Variants in TRERF1 observed in about 807,000 individuals in gnomAD.
The protein encoded by TRERF1 is transcriptional regulating factor 1.
Under a neutral mutation model 122.9 loss-of-function variants are expected in TRERF1, and 27 were observed. That is an observed-to-expected ratio of 0.22 (90% CI 0.16 to 0.30). TRERF1 has a LOEUF of 0.30. Ranked by LOEUF, TRERF1 falls within the 10% of genes least tolerant of loss-of-function variation. The probability of loss-of-function intolerance (pLI) is 1.00; values close to 1 mark genes in which losing one functional copy is unlikely to be tolerated. For synonymous variants in TRERF1, 636 were observed against 641.7 expected, an observed-to-expected ratio of 0.99 and a Z score of 0.13; for missense variants, 1,248 against 1,560.3, an observed-to-expected ratio of 0.80 and a Z score of 3.37.
chr6:42,411,768 A>G (rs1009878359), intron 2 of TRERF1, among the ~76,000 whole-genome samples: 1 of 152,142 alleles, frequency 6.6e-6, no homozygotes, highest in African/African-American at 2.4e-5. Context: ...ACGTGTAGTG[A>G]CACAGGCTTC....
At chr6:42,450,313 G>C (rs1788237708) in intron 2 of TRERF1, among the ~76,000 whole-genome samples, 1 of 152,194 alleles carries the variant, frequency 6.6e-6, no homozygotes, top group South Asian at 2.1e-4. Context: ...AAGTGCACCT[G>C]GACCGGTTTT....
intron 3 of TRERF1, among the ~76,000 whole-genome samples, chr6:42,321,152 CAA>C (rs34358572): frequency 3.6e-4 from 37 of 103,276 alleles, no homozygotes; most frequent in Admixed American, 6.9e-4. Flanking sequence ...TCTTCCAAGC[CAA>C]AAAAAAAAAA....
intron 2 of TRERF1, among the ~76,000 whole-genome samples, chr6:42,419,240 C>A: frequency 7.0e-6 from 1 of 143,006 alleles, no homozygotes; most frequent in African/African-American, 2.6e-5. Context: ...TTTCTACTTC[C>A]CCCCACCGCC....
intron 2 of TRERF1, among the ~76,000 whole-genome samples, chr6:42,425,284 C>T (rs1749729823): frequency 1.3e-5 from 2 of 152,192 alleles, no homozygotes; most frequent in South Asian, 4.1e-4. Context: ...ACCATTTACA[C>T]AGTGTGCTGT....
At chr6:42,261,891 T>C (rs2149805894) in intron 8 of TRERF1, among the ~76,000 whole-genome samples, 1 of 152,258 alleles carries the variant, frequency 6.6e-6, no homozygotes, top group East Asian at 1.9e-4. Context: ...CAGTCCATAA[T>C]GACTTTGGCT....
chr6:42,272,470 A>G (rs998027223), intron 4 of TRERF1, among the ~76,000 whole-genome samples: 5 of 152,234 alleles, frequency 3.3e-5, no homozygotes, highest in Admixed American at 3.3e-4. Flanking sequence ...AGGGTGGTCC[A>G]GGTCCCCTGG....
At chr6:42,445,564 G>C (rs1037954502) in intron 2 of TRERF1, among the ~76,000 whole-genome samples, 5 of 151,762 alleles carry the variant, frequency 3.3e-5, no homozygotes, top group African/African-American at 1.2e-4. Context: ...GAGTCTAATA[G>C]GCACCTCAAA....
intron 2 of TRERF1, among the ~76,000 whole-genome samples, chr6:42,449,871 C>G (rs1386802616): frequency 1.3e-5 from 2 of 152,196 alleles, no homozygotes; most frequent in Admixed American, 6.5e-5. Flanking sequence ...CCATTTTTCT[C>G]GACCCTGCTA....
Position 42,447,702 on chromosome 6 carries a change from T to A in TRERF1, c.-454+3475A>T, listed in dbSNP as rs376354069. On this transcript the variant is annotated intron_variant, in intron 2 of 17. Transcript: ENST00000372922. ...CTAGATCCTTACTTTTCTTTTTTGT[T>A]GTTGTTGTTTTTGTTTTTTTGAGAC... Among the ~76,000 whole-genome samples, 39 of 152,164 alleles carry A rather than the reference T, an allele frequency of 2.6e-4. 1 individual carries two copies. In the South Asian group the frequency reaches 7.9e-3, roughly 31 times the overall value.
intron 15 of TRERF1, among the ~76,000 whole-genome samples, chr6:42,239,453 T>C (rs1773115575): frequency 6.6e-6 from 1 of 152,162 alleles, no homozygotes; most frequent in African/African-American, 2.4e-5. Context: ...CCCTGCTGAG[T>C]GAGCAGCTGT....
intron 2 of TRERF1, among the ~76,000 whole-genome samples, chr6:42,375,766 T>C (rs550681010): frequency 1.3e-5 from 2 of 151,956 alleles, no homozygotes; most frequent in African/African-American, 4.8e-5. Context: ...ACGATCACTA[T>C]GGGGAAGGAG....
At chr6:42,348,212 C>A (rs915683521) in intron 3 of TRERF1, among the ~76,000 whole-genome samples, 5 of 152,152 alleles carry the variant, frequency 3.3e-5, no homozygotes, top group African/African-American at 1.2e-4. Context: ...TACACACACA[C>A]ACCCATACTT....
At chr6:42,402,611 GGTT>G (rs1779552985) in intron 2 of TRERF1, among the ~76,000 whole-genome samples, 1 of 152,010 alleles carries the variant, frequency 6.6e-6, no homozygotes, top group South Asian at 2.1e-4. Context: ...TTGTTGATTT[GGTT>G]ATTACCAAAT....
chr6:42,293,167 A>C (rs1784566181), intron 4 of TRERF1, among the ~76,000 whole-genome samples: 1 of 152,162 alleles, frequency 6.6e-6, no homozygotes, highest in South Asian at 2.1e-4. Context: ...TGCCAGCCTC[A>C]CAGACGTGGA....
chr6:42,236,622 A>C (rs1466296828), intron 15 of TRERF1, among the ~76,000 whole-genome samples: 1 of 152,220 alleles, frequency 6.6e-6, no homozygotes, highest in Non-Finnish European at 1.5e-5. Flanking sequence ...TCAAGGAAGT[A>C]AGTCCCCTGC....
rs764585450 is a variant in TRERF1 at position 42,392,925 on chromosome 6, CACACAT to C, written c.-453-29852_-453-29847del. 3.1e-4 allele frequency among the ~76,000 whole-genome samples: 21 copies of C among 67,120 alleles called. No homozygotes were observed. The East Asian group carries it at 0.011, about 36-fold the overall frequency. 44.0% of individuals were successfully genotyped at this position (67,120 alleles called of 152,430 possible). ...AACAAGCAGCACACACACACATACA[CACACAT>C]ACACACACACACACACACACACACA... On this transcript the variant is annotated intron_variant, in intron 2 of 17. Coordinates refer to ENST00000372922, the Ensembl canonical transcript of TRERF1.
At chr6:42,324,534 G>A (rs915977879) in intron 3 of TRERF1, among the ~76,000 whole-genome samples, 2 of 152,100 alleles carry the variant, frequency 1.3e-5, no homozygotes, top group Admixed American at 1.3e-4. Flanking sequence ...AAAACAATGT[G>A]GTACTGGTAC....
intron 13 of TRERF1, among the ~76,000 whole-genome samples, chr6:42,250,992 C>CTTTT (rs70987586): frequency 0.011 from 1,103 of 97,572 alleles, 2 homozygotes; most frequent in Non-Finnish European, 0.013. Flanking sequence ...TCTTTTGCTT[C>CTTTT]TTTTTTTTTT....
At chr6:42,317,764 A>T (rs888022911) in intron 3 of TRERF1, among the ~76,000 whole-genome samples, 5 of 147,864 alleles carry the variant, frequency 3.4e-5, no homozygotes, top group African/African-American at 9.9e-5. Context: ...GTTGAGAATT[A>T]TTTTTTTTTT....
Sources: allele counts gnomAD v4.1 joint callset (sites outside exome capture counted in the v4.1 genomes callset), GRCh38; gene constraint gnomAD v4.1.1; transcripts MANE v1.5; gene names NCBI Gene and HGNC (gene_info 2026-07-23, HGNC 2026-07-21).